Variants in CEP104 observed in about 807,000 individuals in gnomAD.
CEP104 encodes centrosomal protein of 104 kDa.
Under a neutral mutation model 113.3 loss-of-function variants are expected in CEP104, and 84 were observed. That is an observed-to-expected ratio of 0.74 (90% CI 0.62 to 0.89). The LOEUF (loss-of-function observed/expected upper bound fraction) is 0.89. CEP104 is among the 40% of genes least tolerant of loss of function. The pLI is 0.00. For missense variants in CEP104, 1,053 were observed against 1,156.6 expected (o/e 0.91, Z 1.30); for synonymous variants, 378 against 421.7 (o/e 0.90, Z 1.27).
chr1:3,846,479 G>A (rs1467275849), intron 4 of CEP104, among the ~76,000 whole-genome samples: 6 of 152,084 alleles, frequency 3.9e-5, no homozygotes, highest in Admixed American at 3.3e-4. Flanking sequence ...TAAATGCAGG[G>A]CACATATATT....
chr1:3,828,607 C>T (rs1212303507), intron 15 of CEP104, among the ~76,000 whole-genome samples: 3 of 152,206 alleles, frequency 2.0e-5, no homozygotes, highest in Non-Finnish European at 4.4e-5. Context: ...GAGGTGCCAG[C>T]AGGTCCCAGA....
chr1:3,854,635 ATTTT>A (rs34466194), intron 1 of CEP104, among the ~76,000 whole-genome samples: 1,351 of 126,092 alleles, frequency 0.011, 41 homozygotes, highest in East Asian at 0.11. Context: ...TGCCTGGCTA[ATTTT>A]TTTTTTTTTT....
chr1:3,836,803 G>T, intron 9 of CEP104, 111 bp from the exon 10 acceptor site: 3 of 836,258 alleles, frequency 3.6e-6, no homozygotes, highest in Non-Finnish European at 5.6e-6. Flanking sequence ...TCTGAAAGAT[G>T]TTATTTTGCT....
At chr1:3,849,697 T>C (rs1019421066) in intron 2 of CEP104, among the ~76,000 whole-genome samples, 1 of 152,212 alleles carries the variant, frequency 6.6e-6, no homozygotes, top group South Asian at 2.1e-4. Context: ...GAAATGAAAT[T>C]CTTTAGTCTT....
chr1:3,828,334 T>C (rs1010144913), intron 15 of CEP104, among the ~76,000 whole-genome samples: 2 of 152,194 alleles, frequency 1.3e-5, no homozygotes, highest in Non-Finnish European at 2.9e-5. Flanking sequence ...AGCCAGAGGC[T>C]CACTCCTCAT....
At chr1:3,828,314 T>C (rs1307052475) in intron 15 of CEP104, among the ~76,000 whole-genome samples, 1 of 152,194 alleles carries the variant, frequency 6.6e-6, no homozygotes, top group African/African-American at 2.4e-5. Flanking sequence ...CACACCACGA[T>C]GCGGACCTGA....
chr1:3,833,665 C>G (rs1303789094), intron 12 of CEP104, 197 bp downstream of exon 12: 1 of 447,972 alleles, frequency 2.2e-6, no homozygotes, highest in East Asian at 3.2e-5. Flanking sequence ...TGGAAAAACC[C>G]AACTGTAGAT....
intron 1 of CEP104, among the ~76,000 whole-genome samples, chr1:3,855,319 C>T (rs1225193989): frequency 4.7e-5 from 7 of 150,006 alleles, no homozygotes. Flanking sequence ...GCAGCTAGGA[C>T]TACAGGCACA....
Position 3,831,150 on chromosome 1 carries a change from T to C in CEP104, c.1732A>G (p.Asn578Asp), listed in dbSNP as rs1253362425. Reference protein sequence around the residue: ...PSYLVQPLKANSSVHLAMSQM... With the variant: ...PSYLVQPLKADSSVHLAMSQM... Reference sequence around the variant, plus strand: ...CTCATTGCCAGGTGAACTGAAGAGTTTGCTTTCAATGGCTGCACCAGGTAG... The same window carrying C: ...CTCATTGCCAGGTGAACTGAAGAGTCTGCTTTCAATGGCTGCACCAGGTAG... Residue 578 changes from asparagine (N) to aspartate (D), a missense_variant, in exon 13 of 22, where the codon AAC becomes GAC. Physicochemically the swap from Asn to Asp is conservative, Grantham distance 23. Coordinates refer to ENST00000378230, the MANE Select transcript of CEP104 (RefSeq NM_014704.4). 8 of 1,614,256 alleles carry C rather than the reference T, an allele frequency of 5.0e-6. No individual in the cohort carries two copies. The highest frequency in any genetic ancestry group is 6.8e-6 in the Non-Finnish European group (8 of 1,180,030).
rs1414120164 is a variant in CEP104, at chr1:3,819,656, G to C, written c.2572-3286C>G. Reference sequence around the variant, plus strand: ...AGGGGCCATTCAACTAGAACAGAAAGGAAACACTGGACAAAGCCCAGTGAC... The same window carrying C: ...AGGGGCCATTCAACTAGAACAGAAACGAAACACTGGACAAAGCCCAGTGAC... On this transcript the variant is annotated intron_variant, in intron 20 of 21. Transcript: ENST00000378230. This position sits in a 1 kb window ranked among gnomAD's most constrained non-coding sequence, Gnocchi z 4.6. Among the ~76,000 whole-genome samples the C allele has an allele frequency of 6.6e-6, 1 of 152,180 alleles. No homozygotes were observed. Among genetic ancestry groups the C allele is most frequent in the African/African-American group, 2.4e-5 (1 of 41,432 alleles).
rs1434424297 is a variant in CEP104, at chr1:3,819,806, A to G, written c.2571+3368T>C. ...AAACAATTCACACGAAATTAGAAAG[A>G]CGTGTCTCAGCAGGCTGGAGTGGCA... On this transcript the variant is annotated intron_variant, in intron 20 of 21. Transcript: ENST00000378230. The surrounding 1 kb of genome is among the most constrained non-coding windows in gnomAD (Gnocchi z 4.6). Among the ~76,000 whole-genome samples, 1 of 152,150 alleles carries G rather than the reference A, an allele frequency of 6.6e-6. No homozygotes were observed. The highest frequency in any genetic ancestry group is 1.5e-5 in the Non-Finnish European group (1 of 68,018).
At chr1:3,840,759 G>C (rs1363550020) in intron 6 of CEP104, among the ~76,000 whole-genome samples, 1 of 151,972 alleles carries the variant, frequency 6.6e-6, no homozygotes. Flanking sequence ...AGGTTGGTCT[G>C]GAACTCCTGA....
At chr1:3,822,431 CAGGACACAG>C (rs1643995412) in intron 20 of CEP104, among the ~76,000 whole-genome samples, 1 of 152,230 alleles carries the variant, frequency 6.6e-6, no homozygotes, top group Non-Finnish European at 1.5e-5. Context: ...GAGCCAGCAG[CAGGACACAG>C]TGACACACTG....
intron 2 of CEP104, among the ~76,000 whole-genome samples, chr1:3,850,867 T>C (rs1334399910): frequency 6.6e-6 from 1 of 152,198 alleles, no homozygotes; most frequent in Non-Finnish European, 1.5e-5. Flanking sequence ...CATACTGGTG[T>C]GATTTTTATA....
At chr1:3,856,667 C>G (rs1484247966) in intron 1 of CEP104, among the ~76,000 whole-genome samples, 2 of 152,224 alleles carry the variant, frequency 1.3e-5, no homozygotes, top group African/African-American at 2.4e-5. Flanking sequence ...TCCCAGCACC[C>G]GTGCTGAGCT....
chr1:3,837,395 G>T lies in CEP104; in HGVS notation c.1016C>A (p.Pro339His), dbSNP rs779998680. Residue 339 changes from proline to histidine, a missense_variant, in exon 9 of 22, where the codon CCT becomes CAT. Physicochemically the swap from Pro to His is moderately conservative, Grantham distance 77. Transcript: ENST00000378230. ...ERGTENQFAE[P>H]FLQEKPSSYS... ...TGATGAAGGCTTTTCCTGAAGGAAA[G>T]GTTCTGCAAACTGGTTTTCTGTTCC... The T allele has an allele frequency of 1.9e-6, 3 of 1,614,236 alleles. No homozygotes were observed. The Admixed American group carries it at 5.0e-5, about 27-fold the overall frequency.
intron 11 of CEP104, 106 bp downstream of exon 11, chr1:3,834,819 A>C: frequency 1.0e-6 from 1 of 998,710 alleles, no homozygotes; most frequent in East Asian, 2.6e-5. Context: ...GTTGGTGACC[A>C]CGTCAATGAC....
rs553183104 is a variant in CEP104 at position 3,839,927 on chromosome 1, A to C, written c.567-151T>G. 2.5e-5 allele frequency: 16 copies of C among 642,544 alleles called. No homozygotes were observed. The Admixed American group carries it at 4.7e-4, about 19-fold the overall frequency. The allele number at this position is 642,544 out of a possible 1,614,324, so 39.8% of individuals were successfully genotyped here. A position where few individuals can be genotyped will look rare whatever the true frequency, so the allele number is the denominator to read the frequency against. Reference sequence around the variant, plus strand: ...ATGAGAAAACGGGTCTCAGAGAAGTAATGGGCCTCAGGTCACAAAGCTCTT... The same window carrying C: ...ATGAGAAAACGGGTCTCAGAGAAGTCATGGGCCTCAGGTCACAAAGCTCTT... On this transcript the variant is annotated intron_variant, in intron 6 of 21. Transcript: ENST00000378230.
At position 3,847,339 on chromosome 1, in the gene CEP104, A is replaced by C. The variant is rs1301439954; in HGVS notation, c.426+136T>G. 3.3e-6 allele frequency: 3 copies of C among 900,604 alleles called. No individual in the cohort carries two copies. The African/African-American group carries it at 5.1e-5, about 15-fold the overall frequency. 55.8% of individuals were successfully genotyped at this position (900,604 alleles called of 1,614,324 possible). ...TGCTGGATCAGACAGCACAGCTCAG[A>C]GAGCTCAGCAGTCTCCCAGAAGAGA... On this transcript the variant is annotated intron_variant, in intron 4 of 21. Transcript: ENST00000378230.
Sources: allele counts gnomAD v4.1 joint callset (sites outside exome capture counted in the v4.1 genomes callset), GRCh38; gene constraint gnomAD v4.1.1; non-coding constraint Gnocchi (gnomAD v3.1); transcripts MANE v1.5; gene names NCBI Gene and HGNC (gene_info 2026-07-23, HGNC 2026-07-21).